The following DCAF6 variants were observed in gnomAD, a reference collection of about 807,000 sequenced individuals.
The protein encoded by DCAF6 is DDB1 and CUL4 associated factor 6.
In DCAF6, 54 loss-of-function variants were observed where a neutral mutation model predicts 125.1. The ratio of observed to expected loss-of-function variants is 0.43; its 90% CI spans 0.35 to 0.54. DCAF6 has a LOEUF of 0.54. Among genes scored for constraint, DCAF6 ranks in the 20% least tolerant of loss-of-function variants. The pLI is 0.01. For synonymous variants in DCAF6, 371 were observed against 390.4 expected (o/e 0.95, Z 0.58); for missense variants, 934 against 1,161.7 (o/e 0.80, Z 2.85).
intron 3 of DCAF6, among the ~76,000 whole-genome samples, chr1:167,971,189 C>G (rs1200497732): frequency 6.6e-6 from 1 of 152,156 alleles, no homozygotes; most frequent in Non-Finnish European, 1.5e-5. Context: ...TTCTTCAAAT[C>G]TCAGCTCTTT....
At chr1:167,934,401 C>T (rs1671001423), upstream of DCAF6, among the ~76,000 whole-genome samples, 1 of 152,170 alleles carries the variant, frequency 6.6e-6, no homozygotes, top group Non-Finnish European at 1.5e-5. Context: ...CTCAACCCTC[C>T]TTCCCGAAAA....
chr1:167,941,075 C>G (rs1672162450), intron 1 of DCAF6, among the ~76,000 whole-genome samples: 1 of 151,894 alleles, frequency 6.6e-6, no homozygotes, highest in Admixed American at 6.6e-5. Context: ...TGCCAAGTTA[C>G]AGTGTATTTA....
intron 13 of DCAF6, 86 bp from the exon 14 acceptor site, chr1:168,042,939 A>T: frequency 1.1e-6 from 1 of 943,854 alleles, no homozygotes; most frequent in African/African-American, 1.7e-5. Context: ...TTTTTGGTCT[A>T]CCTTTCTAGT....
chr1:167,937,510 C>G (rs1671481412), intron 1 of DCAF6, among the ~76,000 whole-genome samples: 2 of 152,150 alleles, frequency 1.3e-5, no homozygotes, highest in South Asian at 4.1e-4. Flanking sequence ...ACTGTTTTTG[C>G]GGCGCTGAGC....
intron 17 of DCAF6, 121 bp downstream of exon 17, chr1:168,051,054 A>G (rs1689861776): frequency 8.6e-6 from 4 of 466,180 alleles, no homozygotes; most frequent in African/African-American, 1.9e-5. Context: ...ACTGAATTCT[A>G]AGTGCTAAGC....
At chr1:167,884,613 T>C in the DCAF6 span, among the ~76,000 whole-genome samples, 3 of 151,884 alleles carry the variant, frequency 2.0e-5, no homozygotes, top group East Asian at 5.8e-4. Flanking sequence ...CCACCCCCAA[T>C]TCCTCCTCAT....
chr1:167,955,829 T>G (rs1288302392), intron 2 of DCAF6, among the ~76,000 whole-genome samples: 3 of 152,184 alleles, frequency 2.0e-5, no homozygotes, highest in East Asian at 3.8e-4. Flanking sequence ...GGCACAATCA[T>G]AGCTCACTAT....
At chr1:168,050,993 T>C (rs1409297083) in intron 17 of DCAF6, 60 bp downstream of exon 17, 6 of 861,384 alleles carry the variant, frequency 7.0e-6, no homozygotes, top group Non-Finnish European at 6.7e-6. Flanking sequence ...GGTCTTCTTT[T>C]GCCACAGCTA....
At position 167,974,726 on chromosome 1, in the gene DCAF6, A is replaced by G. The variant is rs572306879; in HGVS notation, c.253-104A>G. On this transcript the variant is annotated intron_variant, in intron 3 of 21. Coordinates refer to ENST00000367840, the MANE Select transcript of DCAF6 (RefSeq NM_001198956.2). Reference sequence around the variant, plus strand: ...AGTCTAGTGATAATCTTTCACTGAGATGAGAATGTTAATGAGAATGTATTA... The same window carrying G: ...AGTCTAGTGATAATCTTTCACTGAGGTGAGAATGTTAATGAGAATGTATTA... 1.7e-5 allele frequency: 14 copies of G among 826,644 alleles called. No individual in the cohort carries two copies. In the South Asian group the frequency reaches 3.7e-4, roughly 22 times the overall value. 51.2% of individuals were successfully genotyped at this position (826,644 alleles called of 1,614,324 possible). A position where few individuals can be genotyped will look rare whatever the true frequency, so the allele number is the denominator to read the frequency against.
chr1:167,971,177 C>T (rs1677243343), intron 3 of DCAF6, among the ~76,000 whole-genome samples: 1 of 152,130 alleles, frequency 6.6e-6, no homozygotes, highest in Non-Finnish European at 1.5e-5. Flanking sequence ...ATTTAAAATT[C>T]ATTCTTCAAA....
the DCAF6 span, chr1:167,924,607 C>T: frequency 8.7e-7 from 1 of 1,147,046 alleles, no homozygotes; most frequent in Non-Finnish European, 1.2e-6. Context: ...TAACAGCTGT[C>T]ACCAAATTTT....
intron 13 of DCAF6, among the ~76,000 whole-genome samples, chr1:168,039,629 C>T (rs941069663): frequency 2.8e-5 from 4 of 145,134 alleles, no homozygotes; most frequent in Non-Finnish European, 4.5e-5. Context: ...TATAATTATA[C>T]CAATTGTTTA....
At chr1:168,019,443 A>T (rs1001001184) in intron 11 of DCAF6, 4 of 337,540 alleles carry the variant, frequency 1.2e-5, no homozygotes, top group African/African-American at 8.6e-5. Flanking sequence ...AGGGTTTTGA[A>T]TGAGCTATAT....
chr1:167,929,115 T>G, the DCAF6 span, among the ~76,000 whole-genome samples: 1 of 152,140 alleles, frequency 6.6e-6, no homozygotes, highest in Non-Finnish European at 1.5e-5. Context: ...TCCCAGCCGT[T>G]TGGGAGGCGG....
Position 168,045,047 on chromosome 1 carries a change from C to T in DCAF6, c.2078C>T (p.Thr693Ile), listed in dbSNP as rs991012062. ...CCAGAAACTTCAGATCAGACTAGCA[C>T]TGAGAGTGCTACCAATGAAAATAAC... ...KEPETSDQTSTESATNENNTN... is the reference protein window; with the variant it reads ...KEPETSDQTSIESATNENNTN... Residue 693 changes from threonine to isoleucine, a missense_variant, in exon 16 of 22, where the codon ACT becomes ATT. Physicochemically the swap from Thr to Ile is moderately conservative, Grantham distance 89. Around this residue, in one of 5 missense-constraint regions of DCAF6, gnomAD observed 559 missense variants for 635.5 expected, o/e 0.88. Coordinates refer to ENST00000367840, the MANE Select transcript of DCAF6 (RefSeq NM_001198956.2). 10 of 1,613,942 alleles carry T rather than the reference C, an allele frequency of 6.2e-6. No homozygotes were observed. The highest frequency in any genetic ancestry group is 8.5e-6 in the Non-Finnish European group (10 of 1,179,972).
intron 21 of DCAF6, 40 bp from the exon 22 acceptor site, chr1:168,075,331 A>G (rs767375473): frequency 2.6e-6 from 4 of 1,545,036 alleles, no homozygotes; most frequent in African/African-American, 1.4e-5. Flanking sequence ...GTAATTACTA[A>G]AAGTATTTCT....
At chr1:167,986,356 GATATT>G (rs1680009406) in intron 4 of DCAF6, among the ~76,000 whole-genome samples, 1 of 152,130 alleles carries the variant, frequency 6.6e-6, no homozygotes, top group South Asian at 2.1e-4. Flanking sequence ...ATCAACACTT[GATATT>G]ATAAGTCTTT....
chr1:167,951,456 T>C (rs1043149799), intron 1 of DCAF6, among the ~76,000 whole-genome samples: 2 of 152,260 alleles, frequency 1.3e-5, no homozygotes, highest in Admixed American at 1.3e-4. Flanking sequence ...GTGCCTGTGA[T>C]CCCAGCCACT....
intron 12 of DCAF6, chr1:168,023,342 A>G (rs2103246346): frequency 2.1e-6 from 1 of 466,040 alleles, no homozygotes; most frequent in South Asian, 3.3e-5. Context: ...AATTCTAGGT[A>G]TCTGTCATAA....
Sources: allele counts gnomAD v4.1 joint callset (sites outside exome capture counted in the v4.1 genomes callset), GRCh38; gene constraint gnomAD v4.1.1; regional missense constraint gnomAD v4.1.1; transcripts MANE v1.5; gene names NCBI Gene and HGNC (gene_info 2026-07-23, HGNC 2026-07-21).